Variants in PITPNB observed in about 807,000 individuals in gnomAD.
PITPNB encodes phosphatidylinositol transfer protein beta isoform.
A neutral mutation model predicts 45.9 loss-of-function variants in PITPNB; 16 were observed. That is an observed-to-expected ratio of 0.35 (90% confidence interval 0.24 to 0.53). PITPNB has a LOEUF of 0.53. Among genes scored for constraint, PITPNB ranks in the 20% least tolerant of loss-of-function variants. PITPNB has a pLI of 0.93. For synonymous variants in PITPNB, 112 were observed against 108.9 expected, an observed-to-expected ratio of 1.03 and a Z score of -0.18; for missense variants, 188 against 330.5, an observed-to-expected ratio of 0.57 and a Z score of 3.34.
At chr22:27,908,866 C>G (rs565251401) in intron 3 of PITPNB, among the ~76,000 whole-genome samples, 1 of 152,078 alleles carries the variant, frequency 6.6e-6, no homozygotes, top group East Asian at 1.9e-4. Flanking sequence ...TTAAGTCAAA[C>G]CAGCAACAGA....
chr22:27,918,967 G>A (rs1202333797), intron 1 of PITPNB: 3 of 756,250 alleles, frequency 4.0e-6, no homozygotes, highest in South Asian at 1.4e-5. Context: ...GGAAGGGAGA[G>A]GGCGTGTTAC....
intron 1 of PITPNB, among the ~76,000 whole-genome samples, chr22:27,916,793 C>T (rs751596307): frequency 6.0e-5 from 9 of 151,082 alleles, no homozygotes; most frequent in Non-Finnish European, 7.4e-5. Context: ...ACAGAGACTC[C>T]GCCTCAAAAA....
chr22:27,890,615 C>T (rs1039522892), intron 7 of PITPNB, among the ~76,000 whole-genome samples: 3 of 152,098 alleles, frequency 2.0e-5, no homozygotes, highest in Non-Finnish European at 4.4e-5. Context: ...GAGATCGAGA[C>T]CATCCTGGCT....
intron 7 of PITPNB, among the ~76,000 whole-genome samples, chr22:27,875,919 C>T (rs1934808208): frequency 6.6e-6 from 1 of 152,104 alleles, no homozygotes; most frequent in South Asian, 2.1e-4. Flanking sequence ...AGAATGGAGA[C>T]AATTACTGTC....
chr22:27,876,669 T>C (rs186835362), intron 7 of PITPNB, among the ~76,000 whole-genome samples: 22 of 152,366 alleles, frequency 1.4e-4, no homozygotes, highest in Admixed American at 3.3e-4. Flanking sequence ...ATTTTCACTA[T>C]TGGGTATCTA....
chr22:27,856,059 C>T (rs1297596), intron 10 of PITPNB, among the ~76,000 whole-genome samples: 152,018 of 152,286 alleles, frequency 1, 75,876 homozygotes, highest in Middle Eastern at 1. Flanking sequence ...GTGTGTGGAA[C>T]CAAGCACTCC....
chr22:27,858,304 A>G (rs1601374328), intron 10 of PITPNB, 83 bp downstream of exon 10: 1 of 1,104,490 alleles, frequency 9.1e-7, no homozygotes, highest in East Asian at 2.5e-5. Flanking sequence ...ACTCTTCCTA[A>G]TTCTAACTCT....
chr22:27,903,401 G>A (rs1345012174), intron 3 of PITPNB, among the ~76,000 whole-genome samples: 4 of 150,854 alleles, frequency 2.7e-5, no homozygotes, highest in Admixed American at 1.3e-4. Flanking sequence ...CCCGGAAGGC[G>A]GAGGTTGTGG....
intron 10 of PITPNB, 123 bp from the exon 11 acceptor site, chr22:27,855,062 G>T (rs1934132483): frequency 4.5e-6 from 3 of 670,130 alleles, no homozygotes; most frequent in Non-Finnish European, 7.9e-6. Context: ...TCCACATTAA[G>T]AATGAAGTTC....
intron 7 of PITPNB, among the ~76,000 whole-genome samples, chr22:27,889,842 G>A (rs1356051773): frequency 6.6e-6 from 1 of 152,232 alleles, no homozygotes; most frequent in Non-Finnish European, 1.5e-5. Context: ...CAAAGGTGTT[G>A]TGCCTTTTCT....
intron 2 of PITPNB, 60 bp from the exon 3 acceptor site, chr22:27,911,169 T>C (rs1935910349): frequency 8.3e-7 from 1 of 1,212,066 alleles, no homozygotes; most frequent in Admixed American, 1.7e-5. Flanking sequence ...AAATTTAGTA[T>C]GCTAAAATCT....
intron 2 of PITPNB, among the ~76,000 whole-genome samples, chr22:27,911,559 C>T (rs1362358564): frequency 2.6e-5 from 4 of 152,122 alleles, no homozygotes; most frequent in African/African-American, 9.7e-5. Flanking sequence ...CAGCATATTG[C>T]TCTTAATGAT....
intron 8 of PITPNB, among the ~76,000 whole-genome samples, chr22:27,868,324 T>G (rs1467703746): frequency 6.6e-6 from 1 of 152,158 alleles, no homozygotes; most frequent in Admixed American, 6.6e-5. Flanking sequence ...CACCTGAATT[T>G]CAACTTCTCC....
At chr22:27,904,117 C>T (rs1367175273) in intron 3 of PITPNB, among the ~76,000 whole-genome samples, 1 of 152,206 alleles carries the variant, frequency 6.6e-6, no homozygotes. Context: ...GCCAATTTCA[C>T]TCACAGCAAT....
intron 10 of PITPNB, among the ~76,000 whole-genome samples, chr22:27,855,370 T>C (rs1388064987): frequency 4.0e-5 from 6 of 151,668 alleles, no homozygotes; most frequent in Non-Finnish European, 5.9e-5. Context: ...TTAAAGGAAG[T>C]TTACTGAAAG....
chr22:27,856,465 G>T (rs1048016434), intron 10 of PITPNB, among the ~76,000 whole-genome samples: 1 of 152,192 alleles, frequency 6.6e-6, no homozygotes, highest in African/African-American at 2.4e-5. Flanking sequence ...TTCAGGTATC[G>T]TGAGGCTGAG....
At position 27,853,452 on chromosome 22, in the gene PITPNB, G is replaced by T. The variant is rs1031336336; in HGVS notation, c.*250C>A. The T allele has an allele frequency of 1.6e-6, 1 of 620,912 alleles. No individual in the cohort carries two copies. The highest frequency in any genetic ancestry group is 2.9e-6 in the Non-Finnish European group (1 of 343,948). The allele number at this position is 620,912 out of a possible 1,614,324, so 38.5% of individuals were successfully genotyped here. ...TATGTACATATATACACAAGTGTGT[G>T]TATCTGGATCTGTAGCTCTACATGC... On this transcript the variant is annotated 3_prime_UTR_variant, in exon 12 of 12. Coordinates refer to ENST00000335272, the MANE Select transcript of PITPNB (RefSeq NM_012399.5).
intron 3 of PITPNB, among the ~76,000 whole-genome samples, chr22:27,900,479 T>C (rs974260135): frequency 1.3e-5 from 2 of 152,204 alleles, no homozygotes; most frequent in African/African-American, 4.8e-5. Context: ...TAAGATACTT[T>C]TCCCACCATG....
At chr22:27,896,794 C>A (rs776183495) in intron 5 of PITPNB, 168 bp from the exon 6 acceptor site, 13 of 613,138 alleles carry the variant, frequency 2.1e-5, no homozygotes, top group Non-Finnish European at 3.8e-5. Context: ...ACTTGTCAGG[C>A]AAACCAAATG....
Sources: gnomAD v4.1 joint callset for allele counts (sites outside exome capture counted in the v4.1 genomes callset) on GRCh38, gnomAD v4.1.1 for gene constraint, MANE v1.5 for transcripts, NCBI Gene and HGNC (gene_info 2026-07-23, HGNC 2026-07-21) for gene names.